FBXW4: variants seen among roughly 807,000 people sequenced by gnomAD.
FBXW4 encodes the protein F-box/WD repeat-containing protein 4.
In FBXW4, 40 loss-of-function variants were observed where a neutral mutation model predicts 61.8. The observed-to-expected ratio is 0.65, with a 90% CI of 0.50 to 0.84. FBXW4 has a LOEUF of 0.84. Ranked by LOEUF, FBXW4 falls within the 40% of genes least tolerant of loss-of-function variation. FBXW4 has a pLI of 0.00. For synonymous variants in FBXW4, 311 were observed against 313.8 expected, an observed-to-expected ratio of 0.99 and a Z score of 0.10; for missense variants, 672 against 753.8, an observed-to-expected ratio of 0.89 and a Z score of 1.27.
chr10:101,618,936 G>T (rs2063846536), intron 6 of FBXW4, among the ~76,000 whole-genome samples: 1 of 152,124 alleles, frequency 6.6e-6, no homozygotes, highest in African/African-American at 2.4e-5. Context: ...GAGGAAGGGG[G>T]TATTTGTGAT....
intron 5 of FBXW4, among the ~76,000 whole-genome samples, chr10:101,646,245 C>T (rs1402433079): frequency 1.3e-5 from 2 of 152,208 alleles, no homozygotes; most frequent in Middle Eastern, 3.2e-3. Flanking sequence ...ACAGTCAAGG[C>T]TAATGACAGA....
At chr10:101,623,647 T>C (rs2063885109) in intron 6 of FBXW4, among the ~76,000 whole-genome samples, 1 of 152,148 alleles carries the variant, frequency 6.6e-6, no homozygotes, top group Non-Finnish European at 1.5e-5. Context: ...TGTAATAGCT[T>C]TAGTTGCAAT....
At position 101,634,493 on chromosome 10, in the gene FBXW4, G is replaced by A. The variant is rs566300352; in HGVS notation, c.1236-9683C>T. On this transcript the variant is annotated intron_variant, in intron 5 of 8. Transcript: ENST00000331272. ...ATATCTGAAAAAGAACAATAAGAAAGAAGTTGTTCTACCGGATCAAAACAT... is the reference window on the plus strand; with the variant it reads ...ATATCTGAAAAAGAACAATAAGAAAAAAGTTGTTCTACCGGATCAAAACAT... 3.3e-5 allele frequency among the ~76,000 whole-genome samples: 5 copies of A among 149,278 alleles called. No homozygotes were observed. In the East Asian group the frequency reaches 9.6e-4, roughly 29 times the overall value.
At chr10:101,681,403 AT>A (rs1340604191) in intron 1 of FBXW4, among the ~76,000 whole-genome samples, 93 of 141,832 alleles carry the variant, frequency 6.6e-4, no homozygotes, top group African/African-American at 2.3e-3. Context: ...AAAAAAAATA[AT>A]AATAATAATA....
chr10:101,612,471 C>A lies in FBXW4; in HGVS notation c.1308G>T (p.Gln436His). The part of the protein sequence containing the change: ...PLRIWDLNSG[Q>H]LMTHLGSDFP... ...AGTCACTGCCCAAGTGTGTCATCAG[C>A]TGCCCACTGGGAAGGGAAGGACGGA... Residue 436 changes from glutamine (Q) to histidine (H), a missense_variant, in exon 7 of 9, where the codon CAG becomes CAT. This residue lies in a region of FBXW4 where 312 missense variants were observed against 370.1 expected (regional missense o/e 0.84). Coordinates refer to ENST00000331272, the MANE Select transcript of FBXW4 (RefSeq NM_022039.4). 6.4e-7 allele frequency: 1 copy of A among 1,572,036 alleles called. No individual in the cohort carries two copies. The highest frequency in any genetic ancestry group is 8.6e-7 in the Non-Finnish European group (1 of 1,158,088).
At chr10:101,612,792 G>T (rs931496162) in intron 6 of FBXW4, among the ~76,000 whole-genome samples, 49 of 152,078 alleles carry the variant, frequency 3.2e-4, no homozygotes, top group African/African-American at 1.1e-3. Context: ...CTTGCTGAAG[G>T]GGTCGGCCCC....
At chr10:101,642,115 G>A (rs185746502) in intron 5 of FBXW4, among the ~76,000 whole-genome samples, 110 of 152,248 alleles carry the variant, frequency 7.2e-4, no homozygotes, top group African/African-American at 2.6e-3. Context: ...GCAGTGAGCC[G>A]AGACTGTGCC....
intron 4 of FBXW4, among the ~76,000 whole-genome samples, chr10:101,669,831 T>C (rs1236424140): frequency 2.0e-5 from 3 of 151,440 alleles, no homozygotes; most frequent in African/African-American, 4.9e-5. Flanking sequence ...ATCAGCTCAC[T>C]GCAAGCTCCG....
At chr10:101,646,737 C>T (rs546011086) in intron 5 of FBXW4, among the ~76,000 whole-genome samples, 1 of 152,168 alleles carries the variant, frequency 6.6e-6, no homozygotes, top group African/African-American at 2.4e-5. Context: ...GCAAATAAAG[C>T]CACAGGGAGA....
Position 101,611,315 on chromosome 10 carries a change from G to T in FBXW4, c.1680C>A (p.His560Gln). ...HLYAALSYNL[H>Q]VLDFQNP ...GTCATGGGTTTTGAAAATCCAGGAC[G>T]TGGAGGTTGTAAGACAGGGCAGCAT... Residue 560 changes from histidine to glutamine, a missense_variant, in exon 9 of 9, where the codon CAC (histidine) becomes CAA (glutamine). His to Gln is a conservative substitution (Grantham distance 24). Coordinates refer to ENST00000331272, the MANE Select transcript of FBXW4 (RefSeq NM_022039.4). The surrounding 1 kb of genome is among the most constrained non-coding windows in gnomAD (Gnocchi z 4.9). 1 of 1,614,106 alleles carries T rather than the reference G, an allele frequency of 6.2e-7. No homozygotes were observed. The highest frequency in any genetic ancestry group is 8.5e-7 in the Non-Finnish European group (1 of 1,179,998).
Position 101,694,374 on chromosome 10 carries a change from C to A in FBXW4, c.725+7G>T. The A allele has an allele frequency of 1.4e-6, 2 of 1,382,516 alleles. No homozygotes were observed. The highest frequency in any genetic ancestry group is 1.9e-6 in the Non-Finnish European group (2 of 1,077,492). 85.6% of individuals were successfully genotyped at this position (1,382,516 alleles called of 1,614,324 possible). ...GGCGGGGAGCGGGCGGGCGAGCGGA[C>A]GCTTACAGGTCGGTGCCGAGCCGCG... On this transcript the variant is annotated splice_region_variant and intron_variant, in intron 1 of 8. Coordinates refer to ENST00000331272, the MANE Select transcript of FBXW4 (RefSeq NM_022039.4). The surrounding 1 kb of genome is among the most constrained non-coding windows in gnomAD (Gnocchi z 6.0).
intron 1 of FBXW4, among the ~76,000 whole-genome samples, chr10:101,686,856 T>C (rs2064539147): frequency 1.3e-5 from 2 of 152,050 alleles, no homozygotes; most frequent in Admixed American, 1.3e-4. Flanking sequence ...GCATCCAAGA[T>C]AAGGGATGAA....
chr10:101,617,720 A>G (rs80071787), intron 6 of FBXW4, among the ~76,000 whole-genome samples: 1,890 of 152,298 alleles, frequency 0.012, 43 homozygotes, highest in African/African-American at 0.043. Flanking sequence ...ACAAAATTTC[A>G]ACATCTGTTG....
At chr10:101,666,665 G>T (rs1428446673) in intron 5 of FBXW4, among the ~76,000 whole-genome samples, 1 of 152,156 alleles carries the variant, frequency 6.6e-6, no homozygotes, top group African/African-American at 2.4e-5. Flanking sequence ...ACAGGTACAG[G>T]AGAGTCTATG....
intron 5 of FBXW4, among the ~76,000 whole-genome samples, chr10:101,650,489 G>A (rs368764209): frequency 6.6e-6 from 1 of 152,144 alleles, no homozygotes; most frequent in Non-Finnish European, 1.5e-5. Context: ...CTGTGCTCCT[G>A]CCAGACCCAG....
At chr10:101,612,823 GCA>G (rs149791990) in intron 6 of FBXW4, among the ~76,000 whole-genome samples, 7 of 150,578 alleles carry the variant, frequency 4.6e-5, no homozygotes, top group East Asian at 3.9e-4. Context: ...ACATGCACAT[GCA>G]CACACACACA....
At chr10:101,633,218 T>A (rs1268064135) in intron 5 of FBXW4, among the ~76,000 whole-genome samples, 1 of 152,226 alleles carries the variant, frequency 6.6e-6, no homozygotes, top group Non-Finnish European at 1.5e-5. Context: ...TCCTCAAGGA[T>A]CTAGAACCAG....
At chr10:101,660,445 C>T (rs1234457687) in intron 5 of FBXW4, among the ~76,000 whole-genome samples, 1 of 152,116 alleles carries the variant, frequency 6.6e-6, no homozygotes, top group Non-Finnish European at 1.5e-5. Context: ...ACATCAGAGG[C>T]TTCCCGGCTG....
intron 5 of FBXW4, among the ~76,000 whole-genome samples, chr10:101,639,388 A>C (rs1387953776): frequency 6.6e-6 from 1 of 152,230 alleles, no homozygotes; most frequent in African/African-American, 2.4e-5. Context: ...GCTGTACAAC[A>C]GTTCCTATCA....
Sources: allele counts gnomAD v4.1 joint callset (sites outside exome capture counted in the v4.1 genomes callset), GRCh38; gene constraint gnomAD v4.1.1; regional missense constraint gnomAD v4.1.1; non-coding constraint Gnocchi (gnomAD v3.1); transcripts MANE v1.5; gene names NCBI Gene and HGNC (gene_info 2026-07-23, HGNC 2026-07-21).